Variants in IFT88 observed in about 807,000 individuals in gnomAD.
The protein encoded by IFT88 is intraflagellar transport 88.
Under a neutral mutation model 119.5 loss-of-function variants are expected in IFT88, and 74 were observed. That is an observed-to-expected ratio of 0.62 (90% CI 0.51 to 0.75). The LOEUF (loss-of-function observed/expected upper bound fraction) is 0.75. IFT88 is among the 30% of genes least tolerant of loss of function. The pLI is 0.00. For missense variants in IFT88, 961 were observed against 977.7 expected (o/e 0.98, Z 0.23); for synonymous variants, 279 against 316.7 (o/e 0.88, Z 1.26).
intron 3 of IFT88, among the ~76,000 whole-genome samples, chr13:20,584,123 C>T (rs1452004237): frequency 6.7e-6 from 1 of 148,864 alleles, no homozygotes; most frequent in East Asian, 2.0e-4. Context: ...CCTTGATATT[C>T]CATATGAATT....
chr13:20,578,031 CTTCTTTT>C (rs2037756475), intron 2 of IFT88, among the ~76,000 whole-genome samples: 2 of 59,848 alleles, frequency 3.3e-5, no homozygotes, highest in African/African-American at 1.0e-4. Context: ...AGTCTTGTTA[CTTCTTTT>C]TTTTTTTTTT....
intron 14 of IFT88, among the ~76,000 whole-genome samples, chr13:20,623,463 T>C (rs1263899048): frequency 6.6e-6 from 1 of 152,114 alleles, no homozygotes; most frequent in Non-Finnish European, 1.5e-5. Flanking sequence ...CATGTTTCCA[T>C]TTATTGATGT....
intron 13 of IFT88, among the ~76,000 whole-genome samples, chr13:20,607,038 G>A (rs185697781): frequency 1.5e-3 from 221 of 152,310 alleles, no homozygotes; most frequent in Non-Finnish European, 2.3e-3. Flanking sequence ...TCAGGGGCAG[G>A]AAGGGGCAGC....
At chr13:20,665,867 T>G (rs2140899213) in intron 23 of IFT88, among the ~76,000 whole-genome samples, 1 of 152,294 alleles carries the variant, frequency 6.6e-6, no homozygotes, top group Non-Finnish European at 1.5e-5. Flanking sequence ...GGCTTGTGTT[T>G]GGAGTGGGCA....
chr13:20,585,904 C>T (rs2039581811), intron 3 of IFT88, among the ~76,000 whole-genome samples: 1 of 152,218 alleles, frequency 6.6e-6, no homozygotes, highest in Non-Finnish European at 1.5e-5. Context: ...AGTCCTTGCA[C>T]TAGGCTAGTG....
intron 24 of IFT88, among the ~76,000 whole-genome samples, chr13:20,679,270 ATTAG>A (rs1393685693): frequency 6.6e-6 from 1 of 152,132 alleles, no homozygotes; most frequent in Non-Finnish European, 1.5e-5. Context: ...TCTGGTCTAT[ATTAG>A]TTTGGGAATT....
Position 20,580,914 on chromosome 13 carries a change from A to G in IFT88, c.91-2043A>G, listed in dbSNP as rs960065050. ...CTAATTTTTTGTATTTTTAGTAGAG[A>G]TGAGGTTTCACCGTGTTAGCCAGGA... On this transcript the variant is annotated intron_variant, in intron 2 of 25. Transcript: ENST00000351808. Among the ~76,000 whole-genome samples, 145 of 151,954 alleles carry G rather than the reference A, an allele frequency of 9.5e-4. 1 individual carries two copies. The highest frequency in any genetic ancestry group is 3.3e-3 in the African/African-American group (135 of 41,464).
rs1555242977 is a variant in IFT88, at chr13:20,569,586, A to AAT, written c.-7+2330_-7+2331insAT. 5.4e-3 allele frequency among the ~76,000 whole-genome samples: 809 copies of AAT among 150,942 alleles called. 5 individuals carry two copies. Among genetic ancestry groups the AAT allele is most frequent in the Non-Finnish European group, 6.6e-3 (445 of 67,728 alleles). On this transcript the variant is annotated intron_variant, in intron 1 of 25. Transcript: ENST00000351808. Reference sequence around the variant, plus strand: ...AGACTCCGTCCCAAAAAAAAAAAAAATTTTTTTAAACTTTTGTGCTTCAGA... The same window carrying AAT: ...AGACTCCGTCCCAAAAAAAAAAAAAAATTTTTTTTAAACTTTTGTGCTTCAGA...
chr13:20,613,644 T>C (rs1172450918), intron 13 of IFT88, among the ~76,000 whole-genome samples: 1 of 150,160 alleles, frequency 6.7e-6, no homozygotes, highest in Non-Finnish European at 1.5e-5. Flanking sequence ...CTTAGTGATA[T>C]TATTCATAAT....
intron 2 of IFT88, among the ~76,000 whole-genome samples, chr13:20,580,681 A>T (rs1372222338): frequency 6.6e-6 from 1 of 152,046 alleles, no homozygotes; most frequent in African/African-American, 2.4e-5. Flanking sequence ...AGAGTCCCAG[A>T]AATGGAATTA....
intron 19 of IFT88, among the ~76,000 whole-genome samples, chr13:20,643,910 C>T (rs1490089081): frequency 1.3e-5 from 2 of 152,076 alleles, no homozygotes; most frequent in South Asian, 2.1e-4. Context: ...CCTGCCACCA[C>T]GTGCAGCTAA....
intron 24 of IFT88, among the ~76,000 whole-genome samples, chr13:20,683,500 A>G (rs1162189336): frequency 6.6e-6 from 1 of 152,136 alleles, no homozygotes; most frequent in Non-Finnish European, 1.5e-5. Flanking sequence ...AATTGACTGG[A>G]TAGTCCCAGG....
intron 2 of IFT88, among the ~76,000 whole-genome samples, chr13:20,580,947 G>A (rs1235868008): frequency 5.9e-5 from 9 of 151,862 alleles, no homozygotes; most frequent in African/African-American, 1.7e-4. Flanking sequence ...GGATGGTCTC[G>A]ATCTCCTGAC....
intron 16 of IFT88, among the ~76,000 whole-genome samples, chr13:20,637,063 G>T (rs1030392903): frequency 2.0e-5 from 3 of 152,174 alleles, no homozygotes; most frequent in African/African-American, 4.8e-5. Flanking sequence ...CATATTTTAT[G>T]ATTCTATTTA....
intron 18 of IFT88, chr13:20,641,631 T>G: frequency 2.8e-6 from 1 of 353,598 alleles, no homozygotes; most frequent in South Asian, 5.3e-5. Flanking sequence ...TTTATTAAAT[T>G]TTGAAAATAA....
chr13:20,684,476 T>A (rs2057672617), intron 24 of IFT88, among the ~76,000 whole-genome samples: 1 of 152,192 alleles, frequency 6.6e-6, no homozygotes, highest in Admixed American at 6.5e-5. Context: ...CTCCTCCTTG[T>A]CATCTATATA....
At chr13:20,673,408 T>A (rs1188726347) in intron 24 of IFT88, among the ~76,000 whole-genome samples, 5 of 152,178 alleles carry the variant, frequency 3.3e-5, no homozygotes, top group African/African-American at 1.2e-4. Flanking sequence ...GGGGACAGTG[T>A]CTGGGGTCCC....
At chr13:20,600,786 A>G (rs1166766476) in intron 11 of IFT88, among the ~76,000 whole-genome samples, 2 of 152,254 alleles carry the variant, frequency 1.3e-5, no homozygotes, top group Non-Finnish European at 2.9e-5. Flanking sequence ...AAATGAAAAT[A>G]TAGATCGTCA....
In IFT88 at chr13:20,643,581, T is replaced by G. The variant is rs769122393; in HGVS notation, c.1809T>G (p.Ser603=). 3.7e-6 allele frequency: 6 copies of G among 1,604,040 alleles called. No individual in the cohort carries two copies. The highest frequency in any genetic ancestry group is 5.1e-6 in the Non-Finnish European group (6 of 1,174,002). Residue 603 remains serine, a synonymous_variant, in exon 19 of 26, where the codon TCT becomes TCG. Transcript: ENST00000351808. ...GELYDREGDK[S]QAFQYYYESY... ...TATATGATCGTGAAGGAGATAAATCTCAAGCATTTCAATATTACTATGAGG... is the reference window on the plus strand; with the variant it reads ...TATATGATCGTGAAGGAGATAAATCGCAAGCATTTCAATATTACTATGAGG...
Sources: allele counts gnomAD v4.1 joint callset (sites outside exome capture counted in the v4.1 genomes callset), GRCh38; gene constraint gnomAD v4.1.1; transcripts MANE v1.5; gene names NCBI Gene and HGNC (gene_info 2026-07-23, HGNC 2026-07-21).